SEMA6B: variants seen among roughly 807,000 people sequenced by gnomAD.
The protein encoded by SEMA6B is semaphorin-6B.
A neutral mutation model predicts 78.6 loss-of-function variants in SEMA6B; 47 were observed. That is an observed-to-expected ratio of 0.60 (90% CI 0.47 to 0.76). The LOEUF is 0.76. SEMA6B is among the 30% of genes least tolerant of loss of function. The pLI is 0.00. For synonymous variants in SEMA6B, 632 were observed against 592.2 expected, an observed-to-expected ratio of 1.07 and a Z score of -0.98; for missense variants, 1,213 against 1,269.9, an observed-to-expected ratio of 0.96 and a Z score of 0.68.
Position 4,543,668 on chromosome 19 carries a change from G to A in SEMA6B, c.2600C>T (p.Pro867Leu). The change falls in exon 17 of 17, where the codon CCG (proline) becomes CTG (leucine). Residue 867 changes from proline to leucine, a missense_variant. Transcript: ENST00000586582. ...GAGGAGGTGGGCCAAGTCTGTGCCC[G>A]GCCGGGCGTGGCAGCCGCGGTGGCG... ...GDRHRGCHAR[P>L]GTDLAHLLPY... 1 of 1,230,956 alleles carries A rather than the reference G, an allele frequency of 8.1e-7. No homozygotes were observed. The highest frequency in any genetic ancestry group is 4.1e-5 in the South Asian group (1 of 24,372). 76.3% of individuals were successfully genotyped at this position (1,230,956 alleles called of 1,614,324 possible).
rs533879381 is a variant in SEMA6B at position 4,546,384 on chromosome 19, C to T, written c.1679+8G>A. The stretch of plus-strand genomic sequence containing the variant: ...ACACCCTCCACCCACCTCCCTCTCC[C>T]GCAGTACCTGGTGCCCGGGCTGAGG... On this transcript the variant is annotated splice_region_variant and intron_variant, in intron 15 of 16. Coordinates refer to ENST00000586582, the MANE Select transcript of SEMA6B (RefSeq NM_032108.4). The T allele has an allele frequency of 1.1e-5, 18 of 1,584,410 alleles. No homozygotes were observed. In the East Asian group the frequency reaches 2.5e-4, roughly 22 times the overall value.
In SEMA6B at chr19:4,543,247, C is replaced by T. The variant is rs1223655777; in HGVS notation, c.*354G>A. ...CCATTCCCCACCGGCGTCCAAGCCTCCCCTGCCTGCCGCCACCCCGAGAAC... is the reference window on the plus strand; with the variant it reads ...CCATTCCCCACCGGCGTCCAAGCCTTCCCTGCCTGCCGCCACCCCGAGAAC... On this transcript the variant is annotated 3_prime_UTR_variant, in exon 17 of 17. Transcript: ENST00000586582. 3 of 531,188 alleles carry T rather than the reference C, an allele frequency of 5.6e-6. No individual in the cohort carries two copies. The highest frequency in any genetic ancestry group is 6.1e-5 in the East Asian group (2 of 32,880). 32.9% of individuals were successfully genotyped at this position (531,188 alleles called of 1,614,324 possible).
rs772385684 is a variant in SEMA6B, at chr19:4,558,446, C to T, written c.12G>A (p.Pro4=). The part of the protein sequence containing the change: MQT[P]RASPPRPALL... ...GGGCCGGGCGGGGAGGGGACGCTCGCGGGGTCTGCATGGCGAGGGCCAGGC... is the reference window on the plus strand; with the variant it reads ...GGGCCGGGCGGGGAGGGGACGCTCGTGGGGTCTGCATGGCGAGGGCCAGGC... Residue 4 remains proline (P), a synonymous_variant, in exon 2 of 17, where the codon CCG becomes CCA. Transcript: ENST00000586582. This position sits in a 1 kb window ranked among gnomAD's most constrained non-coding sequence, Gnocchi z 5.1. 16 of 1,248,710 alleles carry T rather than the reference C, an allele frequency of 1.3e-5. No homozygotes were observed. In the Admixed American group the frequency reaches 4.1e-4, roughly 32 times the overall value. 77.4% of individuals were successfully genotyped at this position (1,248,710 alleles called of 1,614,324 possible). A position where few individuals can be genotyped will look rare whatever the true frequency, so the allele number is the denominator to read the frequency against.
chr19:4,559,168 T>G (rs1434603024), intron 1 of SEMA6B, among the ~76,000 whole-genome samples: 2 of 132,904 alleles, frequency 1.5e-5, no homozygotes, highest in African/African-American at 2.9e-5. Flanking sequence ...CACTCCAGCC[T>G]GGGCAACAGA....
rs746467601 is a variant in SEMA6B, at chr19:4,556,103, A to C, written c.370-14T>G. 3 of 1,601,330 alleles carry C rather than the reference A, an allele frequency of 1.9e-6. No individual in the cohort carries two copies. Among genetic ancestry groups the C allele is most frequent in the South Asian group, 1.1e-5 (1 of 90,858 alleles). On this transcript the variant is annotated splice_polypyrimidine_tract_variant and intron_variant, in intron 5 of 16. Transcript: ENST00000586582. Reference sequence around the variant, plus strand: ...TCGACACTCGCCCTGAGGTGGGGACAGGAGGAAGCGGGGAGCGCGATGTGG... The same window carrying C: ...TCGACACTCGCCCTGAGGTGGGGACCGGAGGAAGCGGGGAGCGCGATGTGG...
At position 4,552,631 on chromosome 19, in the gene SEMA6B, C is replaced by T. The variant is rs1282078473; in HGVS notation, c.780G>A (p.Val260=). The T allele has an allele frequency of 6.2e-7, 1 of 1,604,620 alleles. No individual in the cohort carries two copies. The highest frequency in any genetic ancestry group is 1.3e-5 in the African/African-American group (1 of 74,842). Residue 260 remains valine, a synonymous_variant, in exon 10 of 17, where the codon GTG becomes GTA. Coordinates refer to ENST00000586582, the MANE Select transcript of SEMA6B (RefSeq NM_032108.4). This position sits in a 1 kb window ranked among gnomAD's most constrained non-coding sequence, Gnocchi z 7.4. The part of the protein sequence containing the change: ...MEFNYLEKVV[V]SRVARVCKND... ...TCTTGCACACTCGGGCCACGCGGGA[C>T]ACCACCACCTGGGCGTGACAGTGGA...
Position 4,544,906 on chromosome 19 carries a change from A to G in SEMA6B, c.1739-377T>C, listed in dbSNP as rs962567359. ...CTCTGCCTCCCAAAGTGCTGGGATT[A>G]CAGGCATAAGCCACCACGACTGGCC... On this transcript the variant is annotated intron_variant, in intron 16 of 16. Coordinates refer to ENST00000586582, the MANE Select transcript of SEMA6B (RefSeq NM_032108.4). The surrounding 1 kb of genome is among the most constrained non-coding windows in gnomAD (Gnocchi z 5.1). Among the ~76,000 whole-genome samples, 1 of 149,890 alleles carries G rather than the reference A, an allele frequency of 6.7e-6. No homozygotes were observed. Among genetic ancestry groups the G allele is most frequent in the African/African-American group, 2.4e-5 (1 of 41,308 alleles).
Position 4,552,739 on chromosome 19 carries a change from C to A in SEMA6B, c.772-100G>T. On this transcript the variant is annotated intron_variant, in intron 9 of 16. Coordinates refer to ENST00000586582, the MANE Select transcript of SEMA6B (RefSeq NM_032108.4). The surrounding 1 kb of genome is among the most constrained non-coding windows in gnomAD (Gnocchi z 7.4). ...ACCACCCAAACTGTGATGGAGGAGT[C>A]TGACCCTGGCTCTGGTGGGACCCCG... 8.6e-7 allele frequency: 1 copy of A among 1,156,352 alleles called. No individual in the cohort carries two copies. Among genetic ancestry groups the A allele is most frequent in the Non-Finnish European group, 1.2e-6 (1 of 829,618 alleles). 71.6% of individuals were successfully genotyped at this position (1,156,352 alleles called of 1,614,324 possible).
chr19:4,548,035 C>T lies in SEMA6B; in HGVS notation c.1593G>A (p.Gly531=), dbSNP rs1323159417. ...CTGGGGTGGACACTCACTTCATACACCCCGAGTACTGCTGGCAGCGAGCCA... is the reference window on the plus strand; with the variant it reads ...CTGGGGTGGACACTCACTTCATACATCCCGAGTACTGCTGGCAGCGAGCCA... The part of the protein sequence containing the change: ...VPVARCQQYS[G]CMKNCIGSQD... The change falls in exon 14 of 17, where the codon GGG becomes GGA. Residue 531 remains glycine (G), a synonymous_variant. Transcript: ENST00000586582. 7.0e-6 allele frequency: 11 copies of T among 1,562,070 alleles called. No individual in the cohort carries two copies. The Admixed American group carries it at 1.4e-4, about 20-fold the overall frequency.
Position 4,558,627 on chromosome 19 carries a change from C to CAAT in SEMA6B, c.-32-141_-32-139dup, listed in dbSNP as rs1020293572. On this transcript the variant is annotated intron_variant, in intron 1 of 16. Coordinates refer to ENST00000586582, the MANE Select transcript of SEMA6B (RefSeq NM_032108.4). The surrounding 1 kb of genome is among the most constrained non-coding windows in gnomAD (Gnocchi z 5.1). ...TAATAATTAATAAAAACAATAATGG[C>CAAT]AATAATAATAATAATACACAGCACT... 2.8e-5 allele frequency: 12 copies of CAAT among 427,816 alleles called. No individual in the cohort carries two copies. Among genetic ancestry groups the CAAT allele is most frequent in the South Asian group, 1.3e-4 (1 of 7,976 alleles). 26.5% of individuals were successfully genotyped at this position (427,816 alleles called of 1,614,324 possible).
chr19:4,556,109 A>C lies in SEMA6B; in HGVS notation c.370-20T>G. 1 of 1,582,394 alleles carries C rather than the reference A, an allele frequency of 6.3e-7. No individual in the cohort carries two copies. The highest frequency in any genetic ancestry group is 8.7e-7 in the Non-Finnish European group (1 of 1,151,412). ...CTCGCCCTGAGGTGGGGACAGGAGG[A>C]AGCGGGGAGCGCGATGTGGGCGTGG... On this transcript the variant is annotated intron_variant, in intron 5 of 16. Transcript: ENST00000586582.
rs370254495 is a variant in SEMA6B, at chr19:4,550,724, C to T, written c.1121+75G>A. The T allele has an allele frequency of 2.1e-5, 32 of 1,559,520 alleles. No individual in the cohort carries two copies. Among genetic ancestry groups the T allele is most frequent in the Admixed American group, 1.3e-4 (7 of 55,426 alleles). ...ACTCAGCATCAGCTAAATAACCACC[C>T]GGAAGCCCCAGCCCTCGGCCCTGGG... On this transcript the variant is annotated intron_variant, in intron 11 of 16. Transcript: ENST00000586582. This position sits in a 1 kb window ranked among gnomAD's most constrained non-coding sequence, Gnocchi z 6.6.
At chr19:4,547,909 C>T in intron 14 of SEMA6B, 118 bp downstream of exon 14, 1 of 1,325,844 alleles carries the variant, frequency 7.5e-7, no homozygotes, top group Non-Finnish European at 1.0e-6. Context: ...CGGGCCATGC[C>T]CTCTGCCCAG....
rs1369547011 is a variant in SEMA6B, at chr19:4,552,341, C to T, written c.989+81G>A. The T allele has an allele frequency of 3.7e-6, 5 of 1,363,402 alleles. No homozygotes were observed. Among genetic ancestry groups the T allele is most frequent in the South Asian group, 2.7e-5 (2 of 72,906 alleles). 84.5% of individuals were successfully genotyped at this position (1,363,402 alleles called of 1,614,324 possible). Reference sequence around the variant, plus strand: ...GTGGTGCCCAACCTAGCACCCAGGGCATACCTGAGGAGTGAATACAGGCCC... The same window carrying T: ...GTGGTGCCCAACCTAGCACCCAGGGTATACCTGAGGAGTGAATACAGGCCC... On this transcript the variant is annotated intron_variant, in intron 10 of 16. Coordinates refer to ENST00000586582, the MANE Select transcript of SEMA6B (RefSeq NM_032108.4). This position sits in a 1 kb window ranked among gnomAD's most constrained non-coding sequence, Gnocchi z 7.4.
At position 4,550,107 on chromosome 19, in the gene SEMA6B, C is replaced by G. The variant is rs111454769; in HGVS notation, c.1271+16G>C. Reference sequence around the variant, plus strand: ...TCCTGTCTCCCCTCGCCATGCCCTGCCTCTCCAGGACCGACCTCATCAGGG... The same window carrying G: ...TCCTGTCTCCCCTCGCCATGCCCTGGCTCTCCAGGACCGACCTCATCAGGG... On this transcript the variant is annotated intron_variant, in intron 12 of 16. Coordinates refer to ENST00000586582, the MANE Select transcript of SEMA6B (RefSeq NM_032108.4). The surrounding 1 kb of genome is among the most constrained non-coding windows in gnomAD (Gnocchi z 6.6). 1,008 of 1,612,352 alleles carry G rather than the reference C, an allele frequency of 6.3e-4. 15 individuals are homozygous for G. The South Asian group carries it at 8.4e-3, about 13-fold the overall frequency.
rs1263710069 is a variant in SEMA6B at position 4,548,297 on chromosome 19, A to G, written c.1420T>C (p.Phe474Leu). 2 of 1,613,558 alleles carry G rather than the reference A, an allele frequency of 1.2e-6. No homozygotes were observed. Among genetic ancestry groups the G allele is most frequent in the African/African-American group, 1.3e-5 (1 of 74,932 alleles). ...CGGTAGGTCTCAAACTCCTCCAGGA[A>G]GACACTGAGCCCAGACGTCCCTGAG... ...STSGTSGLSV[F>L]LEEFETYRPD... The change falls in exon 13 of 17, where the codon TTC (phenylalanine) becomes CTC (leucine). Residue 474 changes from phenylalanine to leucine, a missense_variant. Coordinates refer to ENST00000586582, the MANE Select transcript of SEMA6B (RefSeq NM_032108.4).
chr19:4,546,250 G>A lies in SEMA6B; in HGVS notation c.1704C>T (p.Ser568=), dbSNP rs764477837. 1.4e-5 allele frequency: 23 copies of A among 1,613,056 alleles called. No homozygotes were observed. The highest frequency in any genetic ancestry group is 6.6e-5 in the South Asian group (6 of 90,972). ...GTRAAFEQDV[S]GASTSGLGDC... Reference sequence around the variant, plus strand: ...CCCCTAAGCCTGAGGTGCTGGCCCCGGACACGTCCTGCTCAAAGGCGGCTC... The same window carrying A: ...CCCCTAAGCCTGAGGTGCTGGCCCCAGACACGTCCTGCTCAAAGGCGGCTC... The change falls in exon 16 of 17, where the codon TCC becomes TCT. Residue 568 remains serine, a synonymous_variant. Transcript: ENST00000586582.
Position 4,543,068 on chromosome 19 carries a change from C to T in SEMA6B, c.*533G>A, listed in dbSNP as rs1454304633. The T allele has an allele frequency of 9.3e-6, 6 of 645,344 alleles. No individual in the cohort carries two copies. Among genetic ancestry groups the T allele is most frequent in the African/African-American group, 9.0e-5 (5 of 55,710 alleles). The allele number at this position is 645,344 out of a possible 1,614,324, so 40.0% of individuals were successfully genotyped here. ...CACTTGACACACACGCCCACAGCAG[C>T]CTTCGCTGGCACGCACACACACGCC... On this transcript the variant is annotated 3_prime_UTR_variant, in exon 17 of 17. Transcript: ENST00000586582.
chr19:4,556,841 G>GGGCGT (rs1165109014), intron 5 of SEMA6B, 110 bp downstream of exon 5: 1 of 1,005,916 alleles, frequency 9.9e-7, no homozygotes, highest in African/African-American at 1.6e-5. Flanking sequence ...GGGTGGGTTG[G>GGGCGT]GGCGTGGCCA....
Sources: gnomAD v4.1 joint callset for allele counts (sites outside exome capture counted in the v4.1 genomes callset) on GRCh38, gnomAD v4.1.1 for gene constraint, Gnocchi (gnomAD v3.1) non-coding constraint, MANE v1.5 for transcripts, NCBI Gene and HGNC (gene_info 2026-07-23, HGNC 2026-07-21) for gene names.